The following TMEM164 variants were observed in gnomAD, a reference collection of about 807,000 sequenced individuals.
TMEM164 encodes transmembrane protein 164.
Under a neutral mutation model 18.8 loss-of-function variants are expected in TMEM164, and 4 were observed. The observed-to-expected ratio is 0.21, with a 90% confidence interval of 0.10 to 0.49. The LOEUF is 0.49. Ranked by LOEUF, TMEM164 falls within the 20% of genes least tolerant of loss-of-function variation. The pLI is 0.98. For missense variants in TMEM164, 108 were observed against 239.9 expected, an observed-to-expected ratio of 0.45 and a Z score of 3.63; for synonymous variants, 86 against 101.7, an observed-to-expected ratio of 0.85 and a Z score of 0.93.
chrX:110,022,501 G>C (rs937196223), intron 2 of TMEM164, among the ~76,000 whole-genome samples: 1 of 111,411 alleles, frequency 9.0e-6, no homozygotes. Flanking sequence ...ATAGGTATTT[G>C]ATCATTGTCA....
intron 2 of TMEM164, among the ~76,000 whole-genome samples, chrX:110,029,229 G>A (rs192663746): frequency 1.5e-4 from 17 of 111,810 alleles, no homozygotes; most frequent in Admixed American, 8.5e-4. Context: ...GGCTTTTGTC[G>A]TTATTGAAAA....
At chrX:110,098,807 T>C (rs1227149773) in intron 3 of TMEM164, among the ~76,000 whole-genome samples, 1 of 108,945 alleles carries the variant, frequency 9.2e-6, no homozygotes, top group African/African-American at 3.3e-5. Flanking sequence ...TCTTCTTTTT[T>C]TTTTTTTGAG....
intron 3 of TMEM164, among the ~76,000 whole-genome samples, chrX:110,070,257 A>C (rs573124303): frequency 8.0e-5 from 9 of 111,812 alleles, no homozygotes; most frequent in African/African-American, 2.9e-4. Context: ...CGGATGTTGC[A>C]GTGAGCCAGG....
chrX:110,107,090 A>C (rs2066214944), intron 3 of TMEM164, among the ~76,000 whole-genome samples: 1 of 112,473 alleles, frequency 8.9e-6, no homozygotes, highest in Non-Finnish European at 1.9e-5. Flanking sequence ...AGCCAGGGGC[A>C]GGGAAGGAAG....
At chrX:110,159,307 G>A (rs2067060229) in intron 5 of TMEM164, among the ~76,000 whole-genome samples, 1 of 111,010 alleles carries the variant, frequency 9.0e-6, no homozygotes, top group African/African-American at 3.3e-5. Flanking sequence ...GGGGAACAAG[G>A]AGGAATTCTA....
At chrX:110,183,579 C>A (rs944372798), downstream of TMEM164, among the ~76,000 whole-genome samples, 4 of 111,943 alleles carry the variant, frequency 3.6e-5, no homozygotes, top group Non-Finnish European at 5.6e-5. Flanking sequence ...TTGTTAGATA[C>A]CACCACTACC....
At chrX:110,033,625 A>C (rs758318091) in intron 2 of TMEM164, among the ~76,000 whole-genome samples, 14 of 111,506 alleles carry the variant, frequency 1.3e-4, no homozygotes, top group African/African-American at 4.6e-4. Context: ...TCCTTTTCCT[A>C]AAGGTAAAAC....
chrX:110,023,720 G>C (rs1369414276), intron 2 of TMEM164, among the ~76,000 whole-genome samples: 2 of 111,748 alleles, frequency 1.8e-5, no homozygotes, highest in African/African-American at 6.5e-5. Flanking sequence ...CATACCCAAG[G>C]TCACACAGCT....
chrX:110,180,139 G>A (rs2067317739), downstream of TMEM164, among the ~76,000 whole-genome samples: 1 of 112,512 alleles, frequency 8.9e-6, no homozygotes, highest in Admixed American at 9.3e-5. Context: ...TGGGCAAGGT[G>A]TCCAACTGCT....
rs140281081 is a variant in TMEM164, at chrX:110,015,021, T to C, written c.390+10857T>C. Among the ~76,000 whole-genome samples, 338 of 111,666 alleles carry C rather than the reference T, an allele frequency of 3.0e-3. 1 individual carries two copies. Among genetic ancestry groups the C allele is most frequent in the African/African-American group, 0.01 (318 of 30,717 alleles). ...TGGACAGAAAAAAACCAATTATTCT[T>C]ACATCTCCGGGATATGGTAATCCTC... On this transcript the variant is annotated intron_variant, in intron 2 of 6. Transcript: ENST00000372068.
chrX:110,153,145 T>C (rs1444534490), intron 5 of TMEM164, among the ~76,000 whole-genome samples: 1 of 111,957 alleles, frequency 8.9e-6, no homozygotes, highest in African/African-American at 3.2e-5. Flanking sequence ...TCAAAACTCA[T>C]GTCAGTAGTT....
chrX:110,027,768 T>A lies in TMEM164; in HGVS notation c.390+23604T>A, dbSNP rs777582029. On this transcript the variant is annotated intron_variant, in intron 2 of 6. Transcript: ENST00000372068. Reference sequence around the variant, plus strand: ...GAGCAAGACTCCGTCTCAAAAAAAATAAAAATAAAAATAAATAAATAAATA... The same window carrying A: ...GAGCAAGACTCCGTCTCAAAAAAAAAAAAAATAAAAATAAATAAATAAATA... Among the ~76,000 whole-genome samples the A allele has an allele frequency of 8.2e-5, 9 of 110,397 alleles. No individual in the cohort carries two copies. In the South Asian group the frequency reaches 1.1e-3, roughly 14 times the overall value.
chrX:110,128,953 TA>T (rs968570775), intron 4 of TMEM164, among the ~76,000 whole-genome samples: 2 of 111,872 alleles, frequency 1.8e-5, no homozygotes, highest in Non-Finnish European at 3.8e-5. Flanking sequence ...TTCTTTATTT[TA>T]AATATTATTA....
chrX:110,024,464 T>G (rs1303895926), intron 2 of TMEM164, among the ~76,000 whole-genome samples: 2 of 111,644 alleles, frequency 1.8e-5, no homozygotes, highest in Admixed American at 9.5e-5. Context: ...TTAAATTTTT[T>G]GTAGAGACAG....
At chrX:110,081,956 G>C (rs2065764608) in intron 3 of TMEM164, among the ~76,000 whole-genome samples, 1 of 112,589 alleles carries the variant, frequency 8.9e-6, no homozygotes, top group East Asian at 2.8e-4. Context: ...GGGTGGAGAA[G>C]GGACAGGATT....
chrX:110,071,306 A>AT (rs2065585347), intron 3 of TMEM164, among the ~76,000 whole-genome samples: 1 of 109,831 alleles, frequency 9.1e-6, no homozygotes, highest in Admixed American at 9.9e-5. Context: ...CCCAGCCAAG[A>AT]TTTTTTAAAA....
At chrX:110,095,189 G>A (rs1352510497) in intron 3 of TMEM164, among the ~76,000 whole-genome samples, 2 of 111,241 alleles carry the variant, frequency 1.8e-5, no homozygotes, top group Non-Finnish European at 3.8e-5. Context: ...GTATCTTTGC[G>A]GTGTTCTCTG....
At chrX:110,017,418 C>G (rs1022984419) in intron 2 of TMEM164, among the ~76,000 whole-genome samples, 2 of 43,782 alleles carry the variant, frequency 4.6e-5, no homozygotes, top group Non-Finnish European at 4.0e-5. Context: ...TTCTTTCTTT[C>G]TTTCTTTCTT....
chrX:110,160,111 C>T (rs1335717414), intron 5 of TMEM164, among the ~76,000 whole-genome samples: 1 of 111,890 alleles, frequency 8.9e-6, no homozygotes. Context: ...TCTCTTCATC[C>T]TTGTGATGTG....
Sources: gnomAD v4.1 joint callset for allele counts (sites outside exome capture counted in the v4.1 genomes callset) on GRCh38, gnomAD v4.1.1 for gene constraint, MANE v1.5 for transcripts, NCBI Gene and HGNC (gene_info 2026-07-23, HGNC 2026-07-21) for gene names.